Variants in MAPK14 observed in about 807,000 individuals in gnomAD.
The protein encoded by MAPK14 is mitogen-activated protein kinase 14, also known as CSAID-binding protein.
A neutral mutation model predicts 49.6 loss-of-function variants in MAPK14; 16 were observed. That is an observed-to-expected ratio of 0.32 (90% confidence interval 0.22 to 0.49). MAPK14 has a LOEUF of 0.49. Among genes scored for constraint, MAPK14 ranks in the 20% least tolerant of loss-of-function variants. The pLI is 0.99. For synonymous variants in MAPK14, 142 were observed against 158.0 expected (o/e 0.90, Z 0.76); for missense variants, 200 against 441.2 (o/e 0.45, Z 4.90).
chr6:36,083,253 G>A (rs1764836860), intron 8 of MAPK14, among the ~76,000 whole-genome samples: 1 of 152,230 alleles, frequency 6.6e-6, no homozygotes, highest in Admixed American at 6.5e-5. Context: ...GGCAAGGGGA[G>A]CTCCCACCCC....
chr6:36,107,408 T>G lies in MAPK14; in HGVS notation c.842-47T>G. On this transcript the variant is annotated intron_variant, in intron 10 of 11. Coordinates refer to ENST00000229794, the MANE Select transcript of MAPK14 (RefSeq NM_139012.3). The surrounding 1 kb of genome is among the most constrained non-coding windows in gnomAD (Gnocchi z 4.3). ...GTTTGCTCAATAAGGCATACTTTTT[T>G]GTAACATGTTAAAAACTCTTTTCCT... 7.2e-7 allele frequency: 1 copy of G among 1,389,598 alleles called. No individual in the cohort carries two copies. Among genetic ancestry groups the G allele is most frequent in the South Asian group, 1.6e-5 (1 of 62,598 alleles). 86.1% of individuals were successfully genotyped at this position (1,389,598 alleles called of 1,614,324 possible). A position where few individuals can be genotyped will look rare whatever the true frequency, so the allele number is the denominator to read the frequency against.
chr6:36,052,833 G>C lies in MAPK14; in HGVS notation c.246+5G>C, dbSNP rs1438467315. The C allele has an allele frequency of 6.2e-7, 1 of 1,600,390 alleles. No homozygotes were observed. Among genetic ancestry groups the C allele is most frequent in the Admixed American group, 1.8e-5 (1 of 56,826 alleles). ...AAACATATGAAACATGAAAATGTAA[G>C]TTATTCATTCAAGGAAGAATACATT... On this transcript the variant is annotated splice_donor_5th_base_variant and intron_variant, in intron 2 of 11. Coordinates refer to ENST00000229794, the MANE Select transcript of MAPK14 (RefSeq NM_139012.3).
intron 3 of MAPK14, among the ~76,000 whole-genome samples, chr6:36,060,207 C>G (rs1409361565): frequency 2.0e-5 from 3 of 152,182 alleles, no homozygotes; most frequent in Non-Finnish European, 4.4e-5. Context: ...TAATGCACCT[C>G]AGATGGGGAT....
At chr6:36,094,972 C>A (rs1765389138) in intron 8 of MAPK14, among the ~76,000 whole-genome samples, 1 of 152,122 alleles carries the variant, frequency 6.6e-6, no homozygotes, top group African/African-American at 2.4e-5. Flanking sequence ...CCTGATGGGT[C>A]AGAAGACAGT....
chr6:36,097,731 T>G (rs563662676), intron 9 of MAPK14: 12 of 152,318 alleles, frequency 7.9e-5, no homozygotes, highest in African/African-American at 2.6e-4. Flanking sequence ...TCAATAGTAT[T>G]TATCTGTCAT....
chr6:36,063,643 TG>T (rs937584950), intron 3 of MAPK14, among the ~76,000 whole-genome samples: 8 of 152,190 alleles, frequency 5.3e-5, no homozygotes, highest in Admixed American at 3.9e-4. Flanking sequence ...ATTTTTGCTA[TG>T]TTTTAAATTT....
chr6:36,119,725 G>C, the MAPK14 span, among the ~76,000 whole-genome samples: 1 of 152,128 alleles, frequency 6.6e-6, no homozygotes. Flanking sequence ...CTAGTGGGTA[G>C]AGGCCAGGGA....
chr6:36,066,399 T>C (rs1394511091), intron 3 of MAPK14, among the ~76,000 whole-genome samples: 1 of 149,022 alleles, frequency 6.7e-6, no homozygotes, highest in African/African-American at 2.6e-5. Context: ...ATTGCTATGG[T>C]CTTATTAAAG....
At chr6:36,105,528 C>T (rs1461637669) in intron 10 of MAPK14, among the ~76,000 whole-genome samples, 1 of 152,150 alleles carries the variant, frequency 6.6e-6, no homozygotes, top group Non-Finnish European at 1.5e-5. Flanking sequence ...ATAAAATCAA[C>T]AGCTGATAAG....
downstream of MAPK14, among the ~76,000 whole-genome samples, chr6:36,113,267 A>G (rs2127480542): frequency 6.8e-6 from 1 of 147,370 alleles, no homozygotes; most frequent in South Asian, 2.2e-4. Flanking sequence ...TCTTGAGCCC[A>G]GGAGTTCAAG....
downstream of MAPK14, among the ~76,000 whole-genome samples, chr6:36,115,663 T>C (rs1313869270): frequency 6.6e-6 from 1 of 152,020 alleles, no homozygotes; most frequent in South Asian, 2.1e-4. Context: ...CGCAGTGGCT[T>C]ACACCTGTAA....
chr6:36,081,895 A>AT (rs1252678375), intron 8 of MAPK14, among the ~76,000 whole-genome samples: 2 of 151,878 alleles, frequency 1.3e-5, no homozygotes, highest in Non-Finnish European at 2.9e-5. Flanking sequence ...CTTTCCATTT[A>AT]TTTAAGTCTT....
intron 1 of MAPK14, among the ~76,000 whole-genome samples, chr6:36,033,126 C>T (rs1762605697): frequency 6.6e-6 from 1 of 152,100 alleles, no homozygotes; most frequent in Non-Finnish European, 1.5e-5. Flanking sequence ...TAGGTCCATG[C>T]TGAGCTTTCC....
At chr6:36,105,724 G>T (rs1358769055) in intron 10 of MAPK14, among the ~76,000 whole-genome samples, 2 of 152,096 alleles carry the variant, frequency 1.3e-5, no homozygotes, top group African/African-American at 2.4e-5. Flanking sequence ...GCTGTAGGAC[G>T]GGTGTTTTAC....
chr6:36,042,829 T>C (rs1440375414), intron 1 of MAPK14, among the ~76,000 whole-genome samples: 2 of 152,084 alleles, frequency 1.3e-5, no homozygotes, highest in Non-Finnish European at 2.9e-5. Flanking sequence ...CATTCTACTT[T>C]CATTTGGAAC....
intron 8 of MAPK14, among the ~76,000 whole-genome samples, chr6:36,090,452 G>A (rs1259691392): frequency 6.6e-6 from 1 of 151,102 alleles, no homozygotes; most frequent in East Asian, 1.9e-4. Context: ...CAAGTGATCT[G>A]CCCGCCTTGG....
intron 10 of MAPK14, among the ~76,000 whole-genome samples, chr6:36,106,860 A>G (rs1211996520): frequency 6.6e-6 from 1 of 152,110 alleles, no homozygotes; most frequent in Non-Finnish European, 1.5e-5. Context: ...TCACTGTTTG[A>G]AGATCTGTTG....
chr6:36,098,095 A>C (rs1004568585), intron 9 of MAPK14: 2 of 152,200 alleles, frequency 1.3e-5, no homozygotes, highest in African/African-American at 4.8e-5. Context: ...AATTGTTCAG[A>C]GATTTTAAAA....
At chr6:36,039,928 G>A (rs1310248544) in intron 1 of MAPK14, among the ~76,000 whole-genome samples, 1 of 151,546 alleles carries the variant, frequency 6.6e-6, no homozygotes, top group Non-Finnish European at 1.5e-5. Flanking sequence ...CCCGGGAGGC[G>A]GAGGTTGCAG....
Sources: gnomAD v4.1 joint callset for allele counts (sites outside exome capture counted in the v4.1 genomes callset) on GRCh38, gnomAD v4.1.1 for gene constraint, Gnocchi (gnomAD v3.1) non-coding constraint, MANE v1.5 for transcripts, NCBI Gene and HGNC (gene_info 2026-07-23, HGNC 2026-07-21) for gene names.